SETDB2: variants seen among roughly 807,000 people sequenced by gnomAD.
SETDB2 encodes the protein SET domain bifurcated histone lysine methyltransferase 2.
SETDB2 carries 56 observed loss-of-function variants against 82.5 expected under a neutral mutation model. That is an observed-to-expected ratio of 0.68 (90% CI 0.55 to 0.85). SETDB2 has a LOEUF of 0.85. Ranked by LOEUF, SETDB2 falls within the 40% of genes least tolerant of loss-of-function variation. The pLI, the probability that SETDB2 is intolerant of heterozygous loss-of-function variation, is 0.00. For missense variants in SETDB2, 677 were observed against 816.4 expected, an observed-to-expected ratio of 0.83 and a Z score of 2.08; for synonymous variants, 272 against 284.9, an observed-to-expected ratio of 0.95 and a Z score of 0.46.
At chr13:49,472,800 C>G (rs1958276121) in intron 5 of SETDB2, among the ~76,000 whole-genome samples, 1 of 151,868 alleles carries the variant, frequency 6.6e-6, no homozygotes, top group African/African-American at 2.4e-5. Context: ...TTCTCTTCTC[C>G]TCCCACTCCT....
At chr13:49,447,483 T>C (rs1462466160) in intron 1 of SETDB2, among the ~76,000 whole-genome samples, 3 of 152,130 alleles carry the variant, frequency 2.0e-5, no homozygotes, top group Non-Finnish European at 4.4e-5. Flanking sequence ...TGTTTCATCA[T>C]TGAGTATGAT....
In SETDB2 at chr13:49,451,629, C is replaced by G. The variant is rs779227912; in HGVS notation, c.-265C>G. 42 of 302,474 alleles carry G rather than the reference C, an allele frequency of 1.4e-4. No homozygotes were observed. The highest frequency in any genetic ancestry group is 2.1e-4 in the Non-Finnish European group (35 of 163,868). 18.7% of individuals were successfully genotyped at this position (302,474 alleles called of 1,614,324 possible). A position where few individuals can be genotyped will look rare whatever the true frequency, so the allele number is the denominator to read the frequency against. Reference sequence around the variant, plus strand: ...AAAGATAATGTTAATGATCTGATACCACTACAAATATTTACGTGAGAAGAT... The same window carrying G: ...AAAGATAATGTTAATGATCTGATACGACTACAAATATTTACGTGAGAAGAT... On this transcript the variant is annotated 5_prime_UTR_variant, in exon 2 of 14. Transcript: ENST00000611815.
At chr13:49,491,686 GTTAT>G (rs773347569) in intron 13 of SETDB2, 42 bp from the exon 14 acceptor site, 6 of 1,365,076 alleles carry the variant, frequency 4.4e-6, no homozygotes, top group Non-Finnish European at 4.1e-6. Flanking sequence ...TTCATTGGTA[GTTAT>G]TTAGGGTATT....
intron 5 of SETDB2, among the ~76,000 whole-genome samples, chr13:49,474,265 C>CA (rs11386165): frequency 0.17 from 24,790 of 148,002 alleles, 2,363 homozygotes; most frequent in African/African-American, 0.25. Context: ...CACTCTCTCT[C>CA]AAAAAAAAAA....
chr13:49,454,407 AAAAT>A (rs946322845), intron 2 of SETDB2, among the ~76,000 whole-genome samples: 9 of 152,220 alleles, frequency 5.9e-5, no homozygotes, highest in East Asian at 1.9e-4. Context: ...AGACTATCTC[AAAAT>A]AAATAAATAA....
At chr13:49,484,366 T>C (rs1232943913) in intron 10 of SETDB2, among the ~76,000 whole-genome samples, 1 of 152,108 alleles carries the variant, frequency 6.6e-6, no homozygotes, top group African/African-American at 2.4e-5. Context: ...GCCTCCTGGG[T>C]TCAAGCGATT....
chr13:49,449,023 T>C (rs1372851993), intron 1 of SETDB2, among the ~76,000 whole-genome samples: 1 of 152,246 alleles, frequency 6.6e-6, no homozygotes, highest in Non-Finnish European at 1.5e-5. Context: ...TTTCTTCTTA[T>C]AATTGCAGAT....
rs1176059130 is a variant in SETDB2 at position 49,494,559 on chromosome 13, A to G, written c.*2710A>G. The stretch of plus-strand genomic sequence containing the variant: ...CCTACCTGAGCTATCTTGCTGGGGA[A>G]CACCCTAATGTCAGTCTCTTTATAA... On this transcript the variant is annotated 3_prime_UTR_variant, in exon 14 of 14. Coordinates refer to ENST00000611815, the MANE Select transcript of SETDB2 (RefSeq NM_001160308.3). 1 of 152,122 alleles carries G rather than the reference A, an allele frequency of 6.6e-6. No individual in the cohort carries two copies. The highest frequency in any genetic ancestry group is 2.1e-4 in the South Asian group (1 of 4,822). The allele number at this position is 152,122 out of a possible 1,614,324, so 9.4% of individuals were successfully genotyped here.
intron 2 of SETDB2, among the ~76,000 whole-genome samples, chr13:49,457,292 T>G (rs2138843639): frequency 6.6e-6 from 1 of 151,648 alleles, no homozygotes; most frequent in African/African-American, 2.4e-5. Context: ...CTCTGTTTAC[T>G]TTTTAAATGA....
intron 1 of SETDB2, among the ~76,000 whole-genome samples, chr13:49,449,519 G>A (rs771342449): frequency 1.3e-5 from 2 of 151,972 alleles, no homozygotes; most frequent in African/African-American, 2.4e-5. Flanking sequence ...CCAAAGCGCT[G>A]GCATCACTTT....
intron 1 of SETDB2, among the ~76,000 whole-genome samples, chr13:49,449,319 C>T (rs569143871): frequency 1.5e-4 from 23 of 152,172 alleles, no homozygotes; most frequent in African/African-American, 2.9e-4. Context: ...GGCGTGATCT[C>T]GGCTCACTGC....
In SETDB2 at chr13:49,460,223, A is replaced by T; in HGVS notation, c.133A>T (p.Thr45Ser). 1 of 1,612,714 alleles carries T rather than the reference A, an allele frequency of 6.2e-7. No individual in the cohort carries two copies. Among genetic ancestry groups the T allele is most frequent in the Admixed American group, 1.7e-5 (1 of 59,858 alleles). Residue 45 changes from threonine (T) to serine (S), a missense_variant, in exon 3 of 14, where the codon ACC (threonine) becomes TCC (serine). Thr to Ser is a moderately conservative substitution (Grantham distance 58). Transcript: ENST00000611815. ...LKQKIKDGSA[T>S]NKEYIQAMIL... ...ACAAAAGATCAAAGATGGGTCTGCC[A>T]CCAATAAAGGTATGAAGCAATAAAA... is the stretch of plus-strand genomic sequence containing the variant.
intron 4 of SETDB2, among the ~76,000 whole-genome samples, chr13:49,464,947 T>C (rs1274125425): frequency 2.0e-5 from 3 of 152,008 alleles, no homozygotes; most frequent in African/African-American, 7.3e-5. Flanking sequence ...GTGCCTGTGA[T>C]TCCAGGTACT....
In SETDB2 at chr13:49,494,323, A is replaced by C. The variant is rs1158932324; in HGVS notation, c.*2474A>C. 1.3e-5 allele frequency: 2 copies of C among 152,206 alleles called. No individual in the cohort carries two copies. Among genetic ancestry groups the C allele is most frequent in the Non-Finnish European group, 2.9e-5 (2 of 68,040 alleles). The allele number at this position is 152,206 out of a possible 1,614,324, so 9.4% of individuals were successfully genotyped here. On this transcript the variant is annotated 3_prime_UTR_variant, in exon 14 of 14. Transcript: ENST00000611815. The stretch of plus-strand genomic sequence containing the variant: ...TATATGCACACACGTATACATACAC[A>C]TACAGGCATGCATCTCTGTATTCTT...
chr13:49,461,233 A>G, intron 4 of SETDB2, 71 bp downstream of exon 4: 1 of 1,015,048 alleles, frequency 9.9e-7, no homozygotes, highest in Non-Finnish European at 1.5e-6. Context: ...GATAGCTTTA[A>G]TATGTTGGGC....
chr13:49,455,376 A>G (rs1957863829), intron 2 of SETDB2, among the ~76,000 whole-genome samples: 2 of 152,192 alleles, frequency 1.3e-5, no homozygotes, highest in African/African-American at 4.8e-5. Context: ...ACAATGTTAC[A>G]TTAAAATCCA....
At chr13:49,486,646 A>G (rs1463978251) in intron 11 of SETDB2, among the ~76,000 whole-genome samples, 1 of 152,228 alleles carries the variant, frequency 6.6e-6, no homozygotes, top group Non-Finnish European at 1.5e-5. Context: ...ACTTTCCTGC[A>G]ATTGCCTAGC....
rs1258272901 is a variant in SETDB2 at position 49,476,520 on chromosome 13, T to G, written c.350T>G (p.Val117Gly). The change falls in exon 6 of 14, where the codon GTA (valine) becomes GGA (glycine). Residue 117 changes from valine (V) to glycine (G), a missense_variant. Physicochemically the swap from Val to Gly is moderately radical, Grantham distance 109. Around this residue, in one of 3 missense-constraint regions of SETDB2, gnomAD observed 243 missense variants for 237.2 expected, o/e 1.02. Transcript: ENST00000611815. ...ATTCTCTCTCTTGAAGATAAAGTTG[T>G]AGACTTTAGAGAAAAAGACTCATCT... ...KEILSLEDKV[V>G]DFREKDSSSN... The G allele has an allele frequency of 1.2e-6, 2 of 1,610,120 alleles. No homozygotes were observed. Among genetic ancestry groups the G allele is most frequent in the Non-Finnish European group, 1.7e-6 (2 of 1,178,120 alleles).
At chr13:49,483,762 G>A (rs1315559003) in intron 10 of SETDB2, among the ~76,000 whole-genome samples, 199 bp downstream of exon 10, 1 of 151,428 alleles carries the variant, frequency 6.6e-6, no homozygotes, top group Non-Finnish European at 1.5e-5. Flanking sequence ...CGAATGGCTG[G>A]GACTACAGGT....
Sources: gnomAD v4.1 joint callset for allele counts (sites outside exome capture counted in the v4.1 genomes callset) on GRCh38, gnomAD v4.1.1 for gene constraint, gnomAD v4.1.1 regional missense constraint, MANE v1.5 for transcripts, NCBI Gene and HGNC (gene_info 2026-07-23, HGNC 2026-07-21) for gene names.